Variants in TPD52 observed in about 807,000 individuals in gnomAD.
TPD52 encodes the protein tumor protein D52, also known as prostate and colon associated protein.
Under a neutral mutation model 31.3 loss-of-function variants are expected in TPD52, and 17 were observed. The observed-to-expected ratio is 0.54, with a 90% CI of 0.37 to 0.82. The LOEUF (loss-of-function observed/expected upper bound fraction) is 0.82. Among genes scored for constraint, TPD52 ranks in the 40% least tolerant of loss-of-function variants. The probability of loss-of-function intolerance (pLI) is 0.00; values close to 1 mark genes in which losing one functional copy is unlikely to be tolerated. For synonymous variants in TPD52, 83 were observed against 89.6 expected (o/e 0.93, Z 0.42); for missense variants, 212 against 240.1 (o/e 0.88, Z 0.77).
intron 1 of TPD52, among the ~76,000 whole-genome samples, chr8:80,135,898 C>T (rs1184574398): frequency 1.5e-5 from 2 of 136,340 alleles, no homozygotes; most frequent in Admixed American, 7.8e-5. Context: ...AACCAAACAC[C>T]GCATATTCTC....
intron 3 of TPD52, chr8:80,052,499 A>C: frequency 3.7e-6 from 2 of 540,992 alleles, no homozygotes; most frequent in South Asian, 4.4e-5. Context: ...CTGCCAACTT[A>C]GATGGGTAGA....
At chr8:80,060,157 AGAG>A (rs1812362573) in intron 2 of TPD52, among the ~76,000 whole-genome samples, 1 of 151,334 alleles carries the variant, frequency 6.6e-6, no homozygotes, top group African/African-American at 2.4e-5. Context: ...AAAAAAAAAA[AGAG>A]AGAGAAGGCA....
intron 1 of TPD52, among the ~76,000 whole-genome samples, chr8:80,130,878 G>A (rs184606164): frequency 3.0e-4 from 45 of 152,262 alleles, no homozygotes; most frequent in African/African-American, 9.4e-4. Context: ...ATCATTTAAC[G>A]TATTTAAACT....
chr8:80,106,777 T>C (rs1209452935), intron 1 of TPD52, among the ~76,000 whole-genome samples: 1 of 150,556 alleles, frequency 6.6e-6, no homozygotes, highest in Non-Finnish European at 1.5e-5. Context: ...CTGAAGATGA[T>C]ATCTGTGGCC....
At chr8:80,168,919 CAT>C (rs1384543836) in intron 1 of TPD52, among the ~76,000 whole-genome samples, 1 of 152,198 alleles carries the variant, frequency 6.6e-6, no homozygotes, top group African/African-American at 2.4e-5. Context: ...GCACTGGTAA[CAT>C]AAAGATGAAA....
intron 1 of TPD52, among the ~76,000 whole-genome samples, chr8:80,067,795 T>C (rs185806950): frequency 4.6e-5 from 7 of 151,684 alleles, no homozygotes; most frequent in Admixed American, 2.6e-4. Context: ...TCTGGCAGAC[T>C]AGATCAAAAG....
chr8:80,059,784 G>A (rs1397498773), intron 2 of TPD52, among the ~76,000 whole-genome samples: 1 of 152,128 alleles, frequency 6.6e-6, no homozygotes, highest in African/African-American at 2.4e-5. Context: ...AACCTGGGAG[G>A]CAGAGGTTGC....
At chr8:80,165,601 A>T (rs536998569) in intron 1 of TPD52, among the ~76,000 whole-genome samples, 3 of 152,332 alleles carry the variant, frequency 2.0e-5, no homozygotes, top group African/African-American at 7.2e-5. Flanking sequence ...CTCTACCAGG[A>T]AGAAAGAAAC....
At chr8:80,094,935 T>A (rs149205619) in intron 1 of TPD52, among the ~76,000 whole-genome samples, 8 of 151,936 alleles carry the variant, frequency 5.3e-5, no homozygotes, top group Non-Finnish European at 8.8e-5. Context: ...CCTGGTTAGG[T>A]TGTCACAATA....
At chr8:80,063,260 A>C (rs113584041) in intron 2 of TPD52, among the ~76,000 whole-genome samples, 2 of 152,356 alleles carry the variant, frequency 1.3e-5, no homozygotes, top group African/African-American at 4.8e-5. Flanking sequence ...CCATGAATCA[A>C]CCTCAAAAAC....
chr8:80,139,688 C>G (rs530083247), intron 1 of TPD52, among the ~76,000 whole-genome samples: 3 of 152,254 alleles, frequency 2.0e-5, no homozygotes, highest in South Asian at 4.2e-4. Context: ...TCCCAATGCA[C>G]TTGAACACTA....
intron 1 of TPD52, among the ~76,000 whole-genome samples, chr8:80,096,857 G>A (rs963482611): frequency 6.6e-6 from 1 of 152,058 alleles, no homozygotes; most frequent in Admixed American, 6.5e-5. Flanking sequence ...ATGTCCCTAC[G>A]ATGGCCTCTA....
At chr8:80,083,416 T>C (rs552577746) in intron 1 of TPD52, among the ~76,000 whole-genome samples, 1 of 152,154 alleles carries the variant, frequency 6.6e-6, no homozygotes, top group Non-Finnish European at 1.5e-5. Context: ...AACACCCACA[T>C]GTCAAGGGCG....
intron 1 of TPD52, among the ~76,000 whole-genome samples, chr8:80,077,924 T>G (rs753275642): frequency 4.6e-5 from 7 of 152,238 alleles, no homozygotes; most frequent in Non-Finnish European, 1.0e-4. Flanking sequence ...CAGAACCAGA[T>G]GAGCACTTTA....
At chr8:80,091,464 CAAAAAAAAA>C (rs58616020) in intron 1 of TPD52, among the ~76,000 whole-genome samples, 2 of 121,876 alleles carry the variant, frequency 1.6e-5, no homozygotes, top group African/African-American at 3.0e-5. Flanking sequence ...GACTCCATCT[CAAAAAAAAA>C]AAAAAAAAAT....
intron 1 of TPD52, among the ~76,000 whole-genome samples, chr8:80,136,903 C>T (rs955259205): frequency 2.0e-5 from 3 of 152,188 alleles, no homozygotes; most frequent in Admixed American, 6.5e-5. Flanking sequence ...AAATAATTAT[C>T]CAGGCCCCAA....
Position 80,035,691 on chromosome 8 carries a change from A to G in TPD52, c.*2425T>C, listed in dbSNP as rs1809854555. The G allele has an allele frequency of 6.6e-6, 1 of 152,220 alleles. No homozygotes were observed. The highest frequency in any genetic ancestry group is 1.5e-5 in the Non-Finnish European group (1 of 68,038). The allele number at this position is 152,220 out of a possible 1,614,324, so 9.4% of individuals were successfully genotyped here. Reference sequence around the variant, plus strand: ...CTGACTACTTGGCTCTCATAAGCATAAGAATTCTTGCCCTATTTCCCACAA... The same window carrying G: ...CTGACTACTTGGCTCTCATAAGCATGAGAATTCTTGCCCTATTTCCCACAA... On this transcript the variant is annotated 3_prime_UTR_variant, in exon 8 of 8. Transcript: ENST00000518937.
intron 1 of TPD52, 103 bp downstream of exon 1, chr8:80,171,322 C>T (rs754516242): frequency 2.0e-6 from 3 of 1,484,954 alleles, no homozygotes; most frequent in East Asian, 2.4e-5. Flanking sequence ...GGCTCGGCAC[C>T]TGCTCGAGCC....
chr8:80,068,168 G>A (rs1234969527), intron 1 of TPD52, among the ~76,000 whole-genome samples: 2 of 151,810 alleles, frequency 1.3e-5, no homozygotes, highest in Non-Finnish European at 2.9e-5. Context: ...CCACTGTGAG[G>A]GGAAGTCTAC....
Sources: gnomAD v4.1 joint callset for allele counts (sites outside exome capture counted in the v4.1 genomes callset) on GRCh38, gnomAD v4.1.1 for gene constraint, MANE v1.5 for transcripts, NCBI Gene and HGNC (gene_info 2026-07-23, HGNC 2026-07-21) for gene names.